MDGA2: variants seen among roughly 807,000 people sequenced by gnomAD.
MDGA2 encodes the protein MAM domain containing glycosylphosphatidylinositol anchor 2.
MDGA2 carries 40 observed loss-of-function variants against 117.8 expected under a neutral mutation model. That is an observed-to-expected ratio of 0.34 (90% CI 0.26 to 0.44). The LOEUF (loss-of-function observed/expected upper bound fraction) is 0.44, where lower values mean the gene tolerates loss of function less well. MDGA2 is among the 20% of genes least tolerant of loss of function. The pLI is 1.00. For missense variants in MDGA2, 1,123 were observed against 1,250.6 expected, an observed-to-expected ratio of 0.90 and a Z score of 1.54; for synonymous variants, 452 against 439.0, an observed-to-expected ratio of 1.03 and a Z score of -0.37.
Position 46,920,053 on chromosome 14 carries a change from C to T in MDGA2, c.2197G>A (p.Ala733Thr), listed in dbSNP as rs755779884. 11 of 1,593,940 alleles carry T rather than the reference C, an allele frequency of 6.9e-6. No individual in the cohort carries two copies. Among genetic ancestry groups the T allele is most frequent in the Admixed American group, 1.8e-5 (1 of 56,658 alleles). Residue 733 changes from alanine (A) to threonine (T), a missense_variant, in exon 10 of 17, where the codon GCA (alanine) becomes ACA (threonine). Physicochemically the swap from Ala to Thr is moderately conservative, Grantham distance 58. This residue lies in a region of MDGA2 where 890 missense variants were observed against 1,050.3 expected (regional missense o/e 0.85). Transcript: ENST00000399232. ...SLQWTQMNPD[A>T]VDRIVAYRLG... ...CGGTATGCAACAATCCGATCCACTG[C>T]ATCAGGATTCATCTGTGTCCACTGT... is the stretch of plus-strand genomic sequence containing the variant.
chr14:47,174,355 GCAC>G (rs1170708133), intron 3 of MDGA2, among the ~76,000 whole-genome samples: 1 of 152,122 alleles, frequency 6.6e-6, no homozygotes, highest in South Asian at 2.1e-4. Context: ...ATTTTTTTCA[GCAC>G]CACACCACAC....
chr14:47,291,383 G>A (rs72682136), intron 2 of MDGA2, among the ~76,000 whole-genome samples: 13,870 of 152,092 alleles, frequency 0.091, 785 homozygotes, highest in Non-Finnish European at 0.11. Flanking sequence ...CACACTACTC[G>A]CTGCTTCCTG....
chr14:47,396,079 T>C (rs1361501847), intron 1 of MDGA2, among the ~76,000 whole-genome samples: 1 of 152,190 alleles, frequency 6.6e-6, no homozygotes, highest in Admixed American at 6.5e-5. Flanking sequence ...CTAATAGTCA[T>C]GAGGCAAGTG....
chr14:47,324,589 T>A (rs1472587621), intron 1 of MDGA2, among the ~76,000 whole-genome samples: 2 of 152,192 alleles, frequency 1.3e-5, no homozygotes, highest in Admixed American at 6.5e-5. Flanking sequence ...TCATATTTAT[T>A]TCCCATCTTA....
In MDGA2 at chr14:47,037,257, T is replaced by G. The variant is rs1019616420; in HGVS notation, c.1526-1953A>C. Reference sequence around the variant, plus strand: ...TATGTGACAGGCACAATTAAGGATTTTATGCTTTCATTTAAACCCCCTTGA... The same window carrying G: ...TATGTGACAGGCACAATTAAGGATTGTATGCTTTCATTTAAACCCCCTTGA... On this transcript the variant is annotated intron_variant, in intron 7 of 16. Transcript: ENST00000399232. 3.3e-5 allele frequency among the ~76,000 whole-genome samples: 5 copies of G among 152,350 alleles called. No individual in the cohort carries two copies. In the South Asian group the frequency reaches 8.3e-4, roughly 25 times the overall value.
chr14:47,561,153 G>GTTTGTTTGTTTGT (rs1895798027), intron 1 of MDGA2, among the ~76,000 whole-genome samples: 1 of 63,908 alleles, frequency 1.6e-5, no homozygotes, highest in South Asian at 1.0e-3. Context: ...TTTTTTTTTT[G>GTTTGTTTGTTTGT]TTTTGTTTTG....
At chr14:47,416,906 A>G (rs1892487022) in intron 1 of MDGA2, among the ~76,000 whole-genome samples, 1 of 152,160 alleles carries the variant, frequency 6.6e-6, no homozygotes, top group Non-Finnish European at 1.5e-5. Flanking sequence ...TGTAATGGAA[A>G]GGGCATAATC....
intron 10 of MDGA2, among the ~76,000 whole-genome samples, chr14:46,897,643 G>A (rs577875546): frequency 0.62 from 92,758 of 150,250 alleles, 29,735 homozygotes; most frequent in Admixed American, 0.73. Context: ...ACTTAAAGAT[G>A]TTTAACAGTA....
At chr14:47,091,701 A>T (rs1879665697) in intron 6 of MDGA2, among the ~76,000 whole-genome samples, 1 of 151,976 alleles carries the variant, frequency 6.6e-6, no homozygotes. Context: ...CCAGCCTTCA[A>T]GCCATTGGGT....
At chr14:47,670,678 T>C (rs1337920091) in intron 1 of MDGA2, among the ~76,000 whole-genome samples, 3 of 152,144 alleles carry the variant, frequency 2.0e-5, no homozygotes, top group Non-Finnish European at 2.9e-5. Context: ...TTATCCTAAA[T>C]CTAATGAAAT....
chr14:47,003,374 A>AAAACC (rs932918293), intron 8 of MDGA2, among the ~76,000 whole-genome samples: 1 of 151,938 alleles, frequency 6.6e-6, no homozygotes, highest in African/African-American at 2.4e-5. Flanking sequence ...AATGAAAAAA[A>AAAACC]AAACCTACCA....
intron 8 of MDGA2, among the ~76,000 whole-genome samples, chr14:46,995,335 A>C (rs1472433775): frequency 6.6e-6 from 1 of 152,114 alleles, no homozygotes; most frequent in Non-Finnish European, 1.5e-5. Flanking sequence ...TCTGCATTTT[A>C]ACAAGCTCCT....
chr14:47,385,830 A>G (rs534759363), intron 1 of MDGA2, among the ~76,000 whole-genome samples: 1 of 152,346 alleles, frequency 6.6e-6, no homozygotes, highest in South Asian at 2.1e-4. Flanking sequence ...CAACTGAGGC[A>G]GTTGCTTACC....
At chr14:47,448,413 T>A (rs956703859) in intron 1 of MDGA2, among the ~76,000 whole-genome samples, 3 of 152,122 alleles carry the variant, frequency 2.0e-5, no homozygotes, top group African/African-American at 7.2e-5. Flanking sequence ...GTGCTGGGAT[T>A]ACAGGCGTGA....
intron 14 of MDGA2, chr14:46,871,852 C>G (rs1491910): frequency 0.15 from 54,111 of 365,352 alleles, 4,846 homozygotes; most frequent in Middle Eastern, 0.21. Context: ...AGTTTAACTT[C>G]TCAAAAGCTT....
intron 6 of MDGA2, among the ~76,000 whole-genome samples, chr14:47,065,138 G>C (rs1048692577): frequency 1.3e-5 from 2 of 152,058 alleles, no homozygotes; most frequent in Non-Finnish European, 2.9e-5. Context: ...GTAAAAGATT[G>C]GCATCAAGCT....
chr14:47,189,564 T>C (rs1401538884), intron 3 of MDGA2, among the ~76,000 whole-genome samples: 1 of 152,178 alleles, frequency 6.6e-6, no homozygotes, highest in Non-Finnish European at 1.5e-5. Context: ...CATTTACTTT[T>C]CCTCCTCCCC....
intron 7 of MDGA2, among the ~76,000 whole-genome samples, chr14:47,055,212 CTCTTT>C (rs1199787551): frequency 6.6e-6 from 1 of 151,994 alleles, no homozygotes; most frequent in South Asian, 2.1e-4. Flanking sequence ...TTTTGAAATT[CTCTTT>C]TATTTCTCCA....
chr14:47,270,296 T>C (rs1888103754), intron 2 of MDGA2, among the ~76,000 whole-genome samples: 1 of 152,182 alleles, frequency 6.6e-6, no homozygotes, highest in African/African-American at 2.4e-5. Flanking sequence ...ACTGCGTGTA[T>C]GTGCAATCCT....
Sources: gnomAD v4.1 joint callset for allele counts (sites outside exome capture counted in the v4.1 genomes callset) on GRCh38, gnomAD v4.1.1 for gene constraint, gnomAD v4.1.1 regional missense constraint, MANE v1.5 for transcripts, NCBI Gene and HGNC (gene_info 2026-07-23, HGNC 2026-07-21) for gene names.